CDC45: variants seen among roughly 807,000 people sequenced by gnomAD.
The protein encoded by CDC45 is cell division control protein 45 homolog.
A neutral mutation model predicts 77.8 loss-of-function variants in CDC45; 54 were observed. The observed-to-expected ratio is 0.69, with a 90% CI of 0.56 to 0.87. CDC45 has a LOEUF of 0.87. Among genes scored for constraint, CDC45 ranks in the 40% least tolerant of loss-of-function variants. The pLI is 0.00. For synonymous variants in CDC45, 260 were observed against 272.1 expected, an observed-to-expected ratio of 0.96 and a Z score of 0.44; for missense variants, 649 against 721.6, an observed-to-expected ratio of 0.90 and a Z score of 1.15.
chr22:19,503,213 ATTTC>A (rs1932968688), intron 9 of CDC45, among the ~76,000 whole-genome samples: 1 of 152,106 alleles, frequency 6.6e-6, no homozygotes. Context: ...TTCCACAGGA[ATTTC>A]TTCTTTTAGT....
chr22:19,508,317 C>T (rs2146417241), intron 12 of CDC45, among the ~76,000 whole-genome samples: 1 of 152,306 alleles, frequency 6.6e-6, no homozygotes, highest in Middle Eastern at 3.4e-3. Context: ...CCTAAGCCAG[C>T]CATAAAGCTG....
chr22:19,513,813 C>T (rs117314441), intron 13 of CDC45, among the ~76,000 whole-genome samples: 4 of 152,238 alleles, frequency 2.6e-5, no homozygotes, highest in Non-Finnish European at 4.4e-5. Flanking sequence ...AGAAAACATC[C>T]GTGTTTTTTA....
At chr22:19,508,375 T>G (rs777203307) in intron 12 of CDC45, among the ~76,000 whole-genome samples, 155 bp from the exon 13 acceptor site, 1 of 152,208 alleles carries the variant, frequency 6.6e-6, no homozygotes, top group African/African-American at 2.4e-5. Context: ...CTGGTATGTC[T>G]GGACGTTCTG....
intron 10 of CDC45, among the ~76,000 whole-genome samples, chr22:19,506,929 G>A (rs1485741769): frequency 3.3e-5 from 5 of 149,934 alleles, no homozygotes; most frequent in Non-Finnish European, 6.0e-5. Flanking sequence ...GCGAGACTCC[G>A]TCTCAAAAAA....
At chr22:19,505,508 C>T in intron 10 of CDC45, 27 bp downstream of exon 10, 1 of 1,612,500 alleles carries the variant, frequency 6.2e-7, no homozygotes, top group Non-Finnish European at 8.5e-7. Flanking sequence ...GCCTGAGGGG[C>T]ACAGGCAGCA....
intron 15 of CDC45, among the ~76,000 whole-genome samples, chr22:19,515,351 G>GT (rs1446526394): frequency 3.3e-5 from 5 of 152,190 alleles, no homozygotes; most frequent in African/African-American, 1.2e-4. Context: ...AAGCGGGATG[G>GT]TTGTAGCACC....
intron 3 of CDC45, 48 bp from the exon 4 acceptor site, chr22:19,482,642 A>AG: frequency 1.3e-6 from 2 of 1,583,144 alleles, no homozygotes; most frequent in Non-Finnish European, 1.7e-6. Context: ...ATGAAGGAAA[A>AG]GGGGCCTCCT....
intron 10 of CDC45, 77 bp from the exon 11 acceptor site, chr22:19,507,309 G>A: frequency 3.2e-6 from 5 of 1,552,218 alleles, no homozygotes; most frequent in Non-Finnish European, 4.4e-6. Context: ...CGCCATCAGA[G>A]TGGCCCACCT....
At chr22:19,508,769 C>T in intron 13 of CDC45, 78 bp downstream of exon 13, 1 of 1,406,108 alleles carries the variant, frequency 7.1e-7, no homozygotes, top group Non-Finnish European at 9.8e-7. Context: ...GTTACGGGGA[C>T]CCCAGGGCTG....
chr22:19,496,121 CA>C, intron 7 of CDC45, 92 bp downstream of exon 7: 1 of 910,002 alleles, frequency 1.1e-6, no homozygotes. Context: ...TTTAGAGCCA[CA>C]AAAGCCTGGT....
chr22:19,492,543 A>G (rs2090169255), intron 5 of CDC45, among the ~76,000 whole-genome samples: 2 of 152,112 alleles, frequency 1.3e-5, no homozygotes, highest in African/African-American at 4.8e-5. Flanking sequence ...AAGCATTTTT[A>G]TGATGGCTGC....
chr22:19,520,102 A>G lies in CDC45; in HGVS notation c.*2-379A>G, dbSNP rs1198567312. ...CTCCCCTGCAGCCTGCTTGGTGGTG[A>G]TGTTATGCTGCTGTGTGTCCTTCCA... On this transcript the variant is annotated intron_variant, in intron 18 of 18. Coordinates refer to ENST00000263201, the MANE Select transcript of CDC45 (RefSeq NM_003504.5). This position sits in a 1 kb window ranked among gnomAD's most constrained non-coding sequence, Gnocchi z 4.5. Among the ~76,000 whole-genome samples, 1 of 151,710 alleles carries G rather than the reference A, an allele frequency of 6.6e-6. No individual in the cohort carries two copies. The highest frequency in any genetic ancestry group is 1.5e-5 in the Non-Finnish European group (1 of 67,946).
chr22:19,497,687 G>A (rs531585954), intron 8 of CDC45, among the ~76,000 whole-genome samples: 11 of 152,294 alleles, frequency 7.2e-5, no homozygotes, highest in African/African-American at 2.4e-4. Flanking sequence ...ATACAGTACA[G>A]CTTCACCTTC....
intron 9 of CDC45, among the ~76,000 whole-genome samples, chr22:19,503,457 T>C (rs781389533): frequency 4.6e-5 from 7 of 152,210 alleles, no homozygotes; most frequent in Non-Finnish European, 8.8e-5. Flanking sequence ...ACCTTTGATC[T>C]ACTCAAAGTT....
intron 3 of CDC45, among the ~76,000 whole-genome samples, chr22:19,482,092 G>C (rs1055423500): frequency 5.9e-5 from 9 of 152,152 alleles, no homozygotes; most frequent in Non-Finnish European, 1.3e-4. Context: ...ATGAGAGATG[G>C]GACATTGTAC....
intron 5 of CDC45, among the ~76,000 whole-genome samples, chr22:19,491,297 AT>A (rs1325916045): frequency 1.3e-5 from 2 of 151,880 alleles, no homozygotes. Flanking sequence ...TGCTTACTGT[AT>A]TTTTTTCTTC....
At chr22:19,502,922 C>T (rs1412495858) in intron 9 of CDC45, among the ~76,000 whole-genome samples, 1 of 152,140 alleles carries the variant, frequency 6.6e-6, no homozygotes, top group Non-Finnish European at 1.5e-5. Context: ...GGTGATGGCT[C>T]ATGCCTGTAA....
At position 19,480,196 on chromosome 22, in the gene CDC45, G is replaced by C; in HGVS notation, c.90G>C (p.Leu30=). The C allele has an allele frequency of 6.2e-7, 1 of 1,614,034 alleles. No individual in the cohort carries two copies. Among genetic ancestry groups the C allele is most frequent in the Non-Finnish European group, 8.5e-7 (1 of 1,179,964 alleles). Residue 30 remains leucine, a synonymous_variant, in exon 2 of 19, where the codon CTG becomes CTC. Transcript: ENST00000263201. ...TCGTGGCCTCGGACGTGGATGCTCT[G>C]TGTGCGTGCAAGATCCTTCAGGTGA... ...LLFVASDVDA[L]CACKILQALF...
At chr22:19,487,536 A>G (rs1185412108) in intron 5 of CDC45, among the ~76,000 whole-genome samples, 1 of 151,570 alleles carries the variant, frequency 6.6e-6, no homozygotes, top group Non-Finnish European at 1.5e-5. Flanking sequence ...TCTCTTAAAA[A>G]GAAAAGAATG....
Sources: gnomAD v4.1 joint callset for allele counts (sites outside exome capture counted in the v4.1 genomes callset) on GRCh38, gnomAD v4.1.1 for gene constraint, Gnocchi (gnomAD v3.1) non-coding constraint, MANE v1.5 for transcripts, NCBI Gene and HGNC (gene_info 2026-07-23, HGNC 2026-07-21) for gene names.